The following FAM13A variants were observed in gnomAD, a reference collection of about 807,000 sequenced individuals.
The protein encoded by FAM13A is protein FAM13A.
Under a neutral mutation model 129.6 loss-of-function variants are expected in FAM13A, and 76 were observed. The observed-to-expected ratio is 0.59, with a 90% confidence interval of 0.49 to 0.71. FAM13A has a LOEUF of 0.71. Ranked by LOEUF, FAM13A falls within the 30% of genes least tolerant of loss-of-function variation. The pLI, the probability that FAM13A is intolerant of heterozygous loss-of-function variation, is 0.00. For missense variants in FAM13A, 1,108 were observed against 1,249.3 expected (o/e 0.89, Z 1.70); for synonymous variants, 443 against 449.9 (o/e 0.98, Z 0.20).
At chr4:88,790,071 G>A (rs1724811632) in intron 9 of FAM13A, among the ~76,000 whole-genome samples, 1 of 152,110 alleles carries the variant, frequency 6.6e-6, no homozygotes, top group South Asian at 2.1e-4. Context: ...GGGACTTGTT[G>A]CCATCACTAA....
intron 3 of FAM13A, among the ~76,000 whole-genome samples, chr4:89,008,598 G>T (rs142959030): frequency 1.1e-4 from 17 of 152,276 alleles, no homozygotes; most frequent in African/African-American, 4.1e-4. Context: ...AAAAGGCTAG[G>T]CTTTGGAGCC....
chr4:88,911,926 C>T (rs1749144030), intron 5 of FAM13A, among the ~76,000 whole-genome samples: 1 of 152,214 alleles, frequency 6.6e-6, no homozygotes, highest in Non-Finnish European at 1.5e-5. Flanking sequence ...CCAATTCATT[C>T]TTCAATGCCC....
chr4:88,912,481 C>A (rs1749225218), intron 5 of FAM13A, among the ~76,000 whole-genome samples: 1 of 151,932 alleles, frequency 6.6e-6, no homozygotes, highest in African/African-American at 2.4e-5. Context: ...CCAGAGCTTG[C>A]AAACAGCATA....
At chr4:88,846,943 A>C (rs947835112) in intron 7 of FAM13A, among the ~76,000 whole-genome samples, 1 of 152,226 alleles carries the variant, frequency 6.6e-6, no homozygotes, top group African/African-American at 2.4e-5. Flanking sequence ...TTGAAATAAA[A>C]ATATGATTAC....
Position 88,753,905 on chromosome 4 carries a change from C to T in FAM13A, c.1727-3268G>A, listed in dbSNP as rs76688334. ...GAGCCGGTTTTGAGGATGTATTCAC[C>T]GACCATTCCCTGACCATTCCCAATT... is the stretch of plus-strand genomic sequence containing the variant. On this transcript the variant is annotated intron_variant, in intron 14 of 23. Coordinates refer to ENST00000264344, the MANE Select transcript of FAM13A (RefSeq NM_014883.4). Among the ~76,000 whole-genome samples, 277 of 152,226 alleles carry T rather than the reference C, an allele frequency of 1.8e-3. 2 individuals are homozygous for T. Among genetic ancestry groups the T allele is most frequent in the African/African-American group, 5.8e-3 (239 of 41,540 alleles).
At chr4:88,996,962 T>C (rs771162314) in intron 3 of FAM13A, among the ~76,000 whole-genome samples, 28 of 152,132 alleles carry the variant, frequency 1.8e-4, no homozygotes, top group Non-Finnish European at 4.0e-4. Flanking sequence ...TTTAAAGAAA[T>C]GTGGAATAAT....
chr4:88,850,386 C>T (rs1737358697), intron 7 of FAM13A, among the ~76,000 whole-genome samples: 1 of 151,884 alleles, frequency 6.6e-6, no homozygotes, highest in Non-Finnish European at 1.5e-5. Flanking sequence ...GAAACCCCAT[C>T]TCTACTAAAA....
rs541738036 is a variant in FAM13A, at chr4:88,920,981, C to T, written c.760-14519G>A. On this transcript the variant is annotated intron_variant, in intron 5 of 23. Transcript: ENST00000264344. ...GGAAGATGAAATGAATGAAATGAAG[C>T]GAGAAGGGAAGTTTAGAGAAAAAAG... is the stretch of plus-strand genomic sequence containing the variant. Among the ~76,000 whole-genome samples the T allele has an allele frequency of 1.3e-4, 19 of 151,712 alleles. No individual in the cohort carries two copies. In the East Asian group the frequency reaches 1.5e-3, roughly 12 times the overall value.
chr4:88,927,437 T>C (rs1380789216), intron 5 of FAM13A, among the ~76,000 whole-genome samples: 1 of 151,802 alleles, frequency 6.6e-6, no homozygotes, highest in South Asian at 2.1e-4. Context: ...GGATGTCTTT[T>C]TTTTTTTTAA....
intron 13 of FAM13A, among the ~76,000 whole-genome samples, chr4:88,764,336 A>C (rs537901734): frequency 6.6e-6 from 1 of 152,344 alleles, no homozygotes; most frequent in South Asian, 2.1e-4. Context: ...TAATTCTGAC[A>C]TAAAATGATC....
chr4:88,742,853 C>A (rs1578447868), intron 19 of FAM13A, among the ~76,000 whole-genome samples: 1 of 152,182 alleles, frequency 6.6e-6, no homozygotes, highest in African/African-American at 2.4e-5. Flanking sequence ...GCCTCAGTTT[C>A]CTGAATGGTA....
intron 2 of FAM13A, among the ~76,000 whole-genome samples, chr4:89,028,915 T>A (rs532683034): frequency 6.6e-6 from 1 of 151,636 alleles, no homozygotes; most frequent in Admixed American, 6.6e-5. Context: ...CTTTTTACTG[T>A]ATAATGTACT....
intron 6 of FAM13A, chr4:88,905,749 T>A (rs1748038806): frequency 6.6e-6 from 1 of 152,198 alleles, no homozygotes; most frequent in Non-Finnish European, 1.5e-5. Context: ...TAGCCACAAT[T>A]GTTATTGAGC....
intron 4 of FAM13A, among the ~76,000 whole-genome samples, chr4:88,961,742 T>C (rs749909984): frequency 3.9e-5 from 6 of 152,166 alleles, no homozygotes; most frequent in Non-Finnish European, 8.8e-5. Context: ...ATGATAGATG[T>C]TAACTGTATC....
At chr4:88,736,513 C>G (rs1238594639) in intron 21 of FAM13A, 1 of 152,188 alleles carries the variant, frequency 6.6e-6, no homozygotes, top group Non-Finnish European at 1.5e-5. Context: ...ACTCTTAAAA[C>G]TCACTTCTGC....
intron 4 of FAM13A, among the ~76,000 whole-genome samples, chr4:88,948,645 C>A (rs748485751): frequency 4.6e-5 from 7 of 152,076 alleles, no homozygotes; most frequent in Non-Finnish European, 7.4e-5. Context: ...CATGCCACCA[C>A]GCCTGGCTAA....
chr4:88,824,768 C>A (rs984120832), intron 7 of FAM13A, among the ~76,000 whole-genome samples: 2 of 151,786 alleles, frequency 1.3e-5, no homozygotes, highest in African/African-American at 2.4e-5. Context: ...AGTGCTGTGG[C>A]ACAATCTTGG....
At chr4:88,746,079 G>A (rs972645259) in intron 19 of FAM13A, among the ~76,000 whole-genome samples, 5 of 152,090 alleles carry the variant, frequency 3.3e-5, no homozygotes, top group Non-Finnish European at 5.9e-5. Context: ...GCATATTTTA[G>A]ATGAAAAGAC....
chr4:88,882,720 G>A (rs77975459), intron 6 of FAM13A, among the ~76,000 whole-genome samples: 269 of 151,992 alleles, frequency 1.8e-3, no homozygotes, highest in African/African-American at 6.2e-3. Flanking sequence ...TACACACAAT[G>A]GCAGAATGGA....
Sources: gnomAD v4.1 joint callset for allele counts (sites outside exome capture counted in the v4.1 genomes callset) on GRCh38, gnomAD v4.1.1 for gene constraint, MANE v1.5 for transcripts, NCBI Gene and HGNC (gene_info 2026-07-23, HGNC 2026-07-21) for gene names.